The following SYNE2 variants were observed in gnomAD, a reference collection of about 807,000 sequenced individuals.
SYNE2 encodes the protein spectrin repeat containing nuclear envelope protein 2.
A neutral mutation model predicts 856.3 loss-of-function variants in SYNE2; 431 were observed. The observed-to-expected ratio is 0.50, with a 90% CI of 0.47 to 0.55. The LOEUF (loss-of-function observed/expected upper bound fraction) is 0.55, where lower values mean the gene tolerates loss of function less well. Among genes scored for constraint, SYNE2 ranks in the 20% least tolerant of loss-of-function variants. The probability of loss-of-function intolerance (pLI) is 0.00; values close to 1 mark genes in which losing one functional copy is unlikely to be tolerated. For missense variants in SYNE2, 8,129 were observed against 8,023.2 expected, an observed-to-expected ratio of 1.01 and a Z score of -0.50; for synonymous variants, 2,923 against 2,872.3, an observed-to-expected ratio of 1.02 and a Z score of -0.56.
chr14:64,045,170 C>T (rs1319240629), intron 45 of SYNE2, among the ~76,000 whole-genome samples: 1 of 152,130 alleles, frequency 6.6e-6, no homozygotes, highest in East Asian at 1.9e-4. Context: ...GTTGGCTTTT[C>T]TGCCAAGCTA....
intron 1 of SYNE2, among the ~76,000 whole-genome samples, chr14:63,825,526 T>A (rs1889394839): frequency 6.6e-6 from 1 of 152,068 alleles, no homozygotes; most frequent in Non-Finnish European, 1.5e-5. Flanking sequence ...TAATTACCAA[T>A]AGATTTACTG....
At chr14:63,844,918 T>C (rs1048677144) in intron 1 of SYNE2, among the ~76,000 whole-genome samples, 2 of 152,180 alleles carry the variant, frequency 1.3e-5, no homozygotes, top group African/African-American at 4.8e-5. Flanking sequence ...AGGAAAAAGC[T>C]GCAAAACAAT....
chr14:64,091,780 G>C (rs1226803872), intron 60 of SYNE2, among the ~76,000 whole-genome samples: 3 of 152,214 alleles, frequency 2.0e-5, no homozygotes, highest in Non-Finnish European at 4.4e-5. Context: ...GTTGCAGAAA[G>C]TCTGCACAGA....
At position 63,986,470 on chromosome 14, in the gene SYNE2, TG is replaced by T; in HGVS notation, c.2167del (p.Glu723LysfsTer11). 6.2e-7 allele frequency: 1 copy of T among 1,614,006 alleles called. No homozygotes were observed. Among genetic ancestry groups the T allele is most frequent in the Non-Finnish European group, 8.5e-7 (1 of 1,179,980 alleles). ...NQNIKAGEKH[E>X]KENEEFTGQL... ...GAATGTTGTAGGCTGGAGAGAAACA[TG>T]AAAAAGAAAATGAAGAATTCACAGG... is the stretch of plus-strand genomic sequence containing the variant. On this transcript the variant is annotated frameshift_variant, in exon 19 of 116. Transcript: ENST00000555002. LOFTEE classifies it high-confidence loss of function.
chr14:64,006,758 G>A (rs1244164562), intron 30 of SYNE2, among the ~76,000 whole-genome samples: 1 of 152,142 alleles, frequency 6.6e-6, no homozygotes, highest in African/African-American at 2.4e-5. Flanking sequence ...AGCCTGGGAG[G>A]TTGAGGCTGC....
chr14:63,988,952 A>G (rs2096646360), intron 19 of SYNE2, among the ~76,000 whole-genome samples: 1 of 152,252 alleles, frequency 6.6e-6, no homozygotes, highest in South Asian at 2.1e-4. Flanking sequence ...AAACCATATC[A>G]CCATGCCACT....
chr14:64,187,966 TTGA>T (rs755222446), intron 97 of SYNE2, among the ~76,000 whole-genome samples: 3 of 152,334 alleles, frequency 2.0e-5, no homozygotes, highest in Admixed American at 1.3e-4. Context: ...AGACCAGCTG[TTGA>T]TGATACTTTT....
chr14:64,038,144 C>T (rs1250861218), intron 45 of SYNE2, among the ~76,000 whole-genome samples: 2 of 151,902 alleles, frequency 1.3e-5, no homozygotes, highest in African/African-American at 2.4e-5. Context: ...CGGGCAGAGG[C>T]GCTCCTCACA....
intron 1 of SYNE2, among the ~76,000 whole-genome samples, chr14:63,778,244 C>T (rs1364158489): frequency 6.6e-6 from 1 of 152,104 alleles, no homozygotes; most frequent in Non-Finnish European, 1.5e-5. Flanking sequence ...CTCACCTGCC[C>T]CGTTGTAAGA....
At chr14:64,218,336 C>T in intron 108 of SYNE2, 62 bp from the exon 109 acceptor site, 2 of 1,427,704 alleles carry the variant, frequency 1.4e-6, no homozygotes, top group South Asian at 1.2e-5. Context: ...GAAATGAATC[C>T]AGTTGTTCTT....
intron 108 of SYNE2, among the ~76,000 whole-genome samples, chr14:64,217,722 TATC>T (rs2098673287): frequency 6.6e-6 from 1 of 152,132 alleles, no homozygotes; most frequent in Non-Finnish European, 1.5e-5. Context: ...AAGCCAGATG[TATC>T]ACCACAAATC....
Position 64,020,019 on chromosome 14 carries a change from A to C in SYNE2, c.5077A>C (p.Thr1693Pro). The change falls in exon 35 of 116, where the codon ACT becomes CCT. Residue 1693 changes from threonine to proline, a missense_variant. Around this residue, in one of 3 missense-constraint regions of SYNE2, gnomAD observed 2,422 missense variants for 2,357.4 expected, o/e 1.03. Coordinates refer to ENST00000555002, the MANE Select transcript of SYNE2 (RefSeq NM_182914.3). Reference protein sequence around the residue: ...KEELQVHEQKTSEFSRRVAEI... With the variant: ...KEELQVHEQKPSEFSRRVAEI... Reference sequence around the variant, plus strand: ...AGAATTACAAGTCCATGAACAAAAAACTTCAGAATTTTCTAGAAGAGTGGC... The same window carrying C: ...AGAATTACAAGTCCATGAACAAAAACCTTCAGAATTTTCTAGAAGAGTGGC... The C allele has an allele frequency of 6.2e-7, 1 of 1,613,690 alleles. No individual in the cohort carries two copies. Among genetic ancestry groups the C allele is most frequent in the Non-Finnish European group, 8.5e-7 (1 of 1,179,602 alleles).
chr14:64,173,635 TACTC>T (rs1258333033), intron 94 of SYNE2, among the ~76,000 whole-genome samples: 1 of 152,162 alleles, frequency 6.6e-6, no homozygotes, highest in Non-Finnish European at 1.5e-5. Flanking sequence ...TAGAGATAGG[TACTC>T]ACTCTGTCTC....
intron 32 of SYNE2, among the ~76,000 whole-genome samples, chr14:64,014,144 C>G (rs2096869643): frequency 6.6e-6 from 1 of 152,078 alleles, no homozygotes; most frequent in Non-Finnish European, 1.5e-5. Flanking sequence ...TTGGGATTGG[C>G]TATTTTCACA....
rs370339022 is a variant in SYNE2, at chr14:64,105,994, GA to G, written c.12493-1495del. Among the ~76,000 whole-genome samples the G allele has an allele frequency of 1.4e-3, 210 of 150,806 alleles. 1 individual carries two copies. The highest frequency in any genetic ancestry group is 4.8e-3 in the African/African-American group (198 of 40,908). On this transcript the variant is annotated intron_variant, in intron 64 of 115. Transcript: ENST00000555002. ...GAGCCTGGGAGATGAAGGTTGCAGT[GA>G]AGCTAAGATTGCACCACTGCACCAC... is the stretch of plus-strand genomic sequence containing the variant.
chr14:63,868,010 A>T (rs1895871756), intron 1 of SYNE2, among the ~76,000 whole-genome samples: 1 of 152,178 alleles, frequency 6.6e-6, no homozygotes, highest in Non-Finnish European at 1.5e-5. Flanking sequence ...TAATCATGCC[A>T]CTGCACTCTA....
At chr14:64,187,556 C>T (rs568249013) in intron 97 of SYNE2, among the ~76,000 whole-genome samples, 11 of 152,170 alleles carry the variant, frequency 7.2e-5, no homozygotes, top group Non-Finnish European at 1.5e-4. Context: ...AATGGAAACA[C>T]AACACTTGTT....
In SYNE2 at chr14:64,051,904, G is replaced by A; in HGVS notation, c.7991G>A (p.Ser2664Asn). The A allele has an allele frequency of 6.2e-7, 1 of 1,613,906 alleles. No individual in the cohort carries two copies. The highest frequency in any genetic ancestry group is 1.1e-5 in the South Asian group (1 of 91,072). ...KSPEERAGNQ[S>N]MIALTTDLQA... ...CCAGAAGAACGGGCAGGGAACCAAA[G>A]CATGATTGCCTTGACCACTGACCTC... Residue 2664 changes from serine to asparagine, a missense_variant, in exon 48 of 116, where the codon AGC becomes AAC. Transcript: ENST00000555002.
intron 99 of SYNE2, among the ~76,000 whole-genome samples, chr14:64,194,327 G>A (rs1240579666): frequency 6.6e-6 from 1 of 151,352 alleles, no homozygotes; most frequent in Non-Finnish European, 1.5e-5. Context: ...AGGTCTGGCT[G>A]TATGGCCCAG....
Sources: gnomAD v4.1 joint callset for allele counts (sites outside exome capture counted in the v4.1 genomes callset) on GRCh38, gnomAD v4.1.1 for gene constraint, gnomAD v4.1.1 regional missense constraint, MANE v1.5 for transcripts, NCBI Gene and HGNC (gene_info 2026-07-23, HGNC 2026-07-21) for gene names.